The following PPP6R3 variants were observed in gnomAD, a reference collection of about 807,000 sequenced individuals.
The protein encoded by PPP6R3 is serine/threonine-protein phosphatase 6 regulatory subunit 3.
A neutral mutation model predicts 110.7 loss-of-function variants in PPP6R3; 38 were observed. The observed-to-expected ratio is 0.34, with a 90% CI of 0.26 to 0.45. The LOEUF (loss-of-function observed/expected upper bound fraction) is 0.45, where lower values mean the gene tolerates loss of function less well. Ranked by LOEUF, PPP6R3 falls within the 20% of genes least tolerant of loss-of-function variation. The pLI is 1.00. For synonymous variants in PPP6R3, 369 were observed against 373.5 expected, an observed-to-expected ratio of 0.99 and a Z score of 0.14; for missense variants, 870 against 1,062.4, an observed-to-expected ratio of 0.82 and a Z score of 2.52.
rs2099278444 is a variant in PPP6R3 at position 68,537,844 on chromosome 11, C to T, written c.180C>T (p.Phe60=). 6.2e-7 allele frequency: 1 copy of T among 1,613,840 alleles called. No individual in the cohort carries two copies. The highest frequency in any genetic ancestry group is 8.5e-7 in the Non-Finnish European group (1 of 1,179,888). The change falls in exon 3 of 24, where the codon TTC becomes TTT. Residue 60 remains phenylalanine, a synonymous_variant. Transcript: ENST00000393800. ...KAECLEDLVS[F]IIEEPPQDMD... is the part of the protein sequence containing the mutation. ...AATGTCTCGAAGATTTAGTCTCATT[C>T]ATTATAGAAGAACCACCTCAAGACA...
At chr11:68,512,570 A>G (rs1592304351) in intron 1 of PPP6R3, among the ~76,000 whole-genome samples, 1 of 152,228 alleles carries the variant, frequency 6.6e-6, no homozygotes, top group African/African-American at 2.4e-5. Flanking sequence ...AGACGGAACT[A>G]TTACCTTGTT....
At chr11:68,602,935 G>GA (rs1163810354) in intron 21 of PPP6R3, among the ~76,000 whole-genome samples, 1 of 152,180 alleles carries the variant, frequency 6.6e-6, no homozygotes, top group Non-Finnish European at 1.5e-5. Flanking sequence ...AACACCACAA[G>GA]AAAGTAATTT....
Position 68,485,908 on chromosome 11 carries a change from A to G in PPP6R3, c.-158+25081A>G, listed in dbSNP as rs1173907481. 7.9e-5 allele frequency among the ~76,000 whole-genome samples: 12 copies of G among 151,942 alleles called. 1 individual carries two copies. In the South Asian group the frequency reaches 1.5e-3, roughly 18 times the overall value. ...GCCTTGGCTGGGCACAGTGGCTCAC[A>G]CCTGTAATCTCAACACTTTGGGAGG... On this transcript the variant is annotated intron_variant, in intron 1 of 23. Coordinates refer to ENST00000393800, the MANE Select transcript of PPP6R3 (RefSeq NM_001164161.2).
chr11:68,461,064 G>A (rs1237853258), intron 1 of PPP6R3, among the ~76,000 whole-genome samples: 1 of 151,626 alleles, frequency 6.6e-6, no homozygotes, highest in African/African-American at 2.4e-5. Flanking sequence ...GACGGGCGCC[G>A]GGAGCGGGAC....
intron 1 of PPP6R3, among the ~76,000 whole-genome samples, chr11:68,469,631 G>A (rs1242108448): frequency 6.6e-6 from 1 of 151,072 alleles, no homozygotes; most frequent in Non-Finnish European, 1.5e-5. Context: ...CTCCCACCTT[G>A]TTTTCCCAAA....
intron 1 of PPP6R3, among the ~76,000 whole-genome samples, chr11:68,489,254 C>T (rs2098968019): frequency 6.6e-6 from 1 of 152,040 alleles, no homozygotes; most frequent in African/African-American, 2.4e-5. Context: ...CTCCTGACCT[C>T]ATGATCCGCC....
chr11:68,529,345 A>G (rs1002958893), intron 2 of PPP6R3, among the ~76,000 whole-genome samples: 3 of 152,024 alleles, frequency 2.0e-5, no homozygotes, highest in African/African-American at 7.3e-5. Context: ...CAACCTCCCA[A>G]GTAGCTGGGA....
chr11:68,558,443 G>A, intron 7 of PPP6R3, 123 bp from the exon 8 acceptor site: 1 of 599,548 alleles, frequency 1.7e-6, no homozygotes, highest in South Asian at 2.3e-5. Flanking sequence ...AAATAAAATA[G>A]TAAAACAAAT....
At chr11:68,547,127 T>G (rs560411171) in intron 4 of PPP6R3, among the ~76,000 whole-genome samples, 16 of 152,332 alleles carry the variant, frequency 1.1e-4, no homozygotes, top group African/African-American at 3.4e-4. Flanking sequence ...AGATTGTGGC[T>G]TTTGTGGCAT....
chr11:68,575,376 C>G (rs1019188125), intron 13 of PPP6R3, among the ~76,000 whole-genome samples: 1 of 152,178 alleles, frequency 6.6e-6, no homozygotes, highest in Non-Finnish European at 1.5e-5. Context: ...TAGAATTTCA[C>G]TATTACCTGT....
intron 4 of PPP6R3, among the ~76,000 whole-genome samples, chr11:68,545,374 T>C (rs1451316770): frequency 6.6e-6 from 1 of 152,218 alleles, no homozygotes; most frequent in African/African-American, 2.4e-5. Flanking sequence ...AACAATTGCT[T>C]TGTTTTGTTT....
chr11:68,613,315 A>G lies in PPP6R3; in HGVS notation c.*198A>G. The G allele has an allele frequency of 2.2e-6, 3 of 1,336,810 alleles. No individual in the cohort carries two copies. The highest frequency in any genetic ancestry group is 2.9e-6 in the Non-Finnish European group (3 of 1,046,736). The allele number at this position is 1,336,810 out of a possible 1,614,324, so 82.8% of individuals were successfully genotyped here. A position where few individuals can be genotyped will look rare whatever the true frequency, so the allele number is the denominator to read the frequency against. On this transcript the variant is annotated 3_prime_UTR_variant, in exon 24 of 24. Transcript: ENST00000393800. ...GTGTAAAAATATTGCACATTGACAAATACCAAGAATTTTTGCGTATGTTTA... is the reference window on the plus strand; with the variant it reads ...GTGTAAAAATATTGCACATTGACAAGTACCAAGAATTTTTGCGTATGTTTA...
chr11:68,528,568 T>C (rs895049010), intron 2 of PPP6R3, among the ~76,000 whole-genome samples: 3 of 152,224 alleles, frequency 2.0e-5, no homozygotes, highest in African/African-American at 7.2e-5. Flanking sequence ...CCAGCTGCTT[T>C]TACTCCTTTG....
intron 15 of PPP6R3, among the ~76,000 whole-genome samples, chr11:68,584,304 A>C (rs1239677126): frequency 6.6e-6 from 1 of 152,114 alleles, no homozygotes; most frequent in Non-Finnish European, 1.5e-5. Context: ...TCGTGCCTGC[A>C]AGCAGCCCTT....
intron 2 of PPP6R3, among the ~76,000 whole-genome samples, chr11:68,532,392 C>G (rs1199537205): frequency 6.6e-6 from 1 of 152,194 alleles, no homozygotes; most frequent in African/African-American, 2.4e-5. Flanking sequence ...CCCCAGTGAC[C>G]TGCTTTCTTA....
At chr11:68,504,545 C>T (rs1381020191) in intron 1 of PPP6R3, among the ~76,000 whole-genome samples, 1 of 152,220 alleles carries the variant, frequency 6.6e-6, no homozygotes, top group Non-Finnish European at 1.5e-5. Flanking sequence ...GATGAATGCA[C>T]ACTTCAGTTT....
intron 4 of PPP6R3, 47 bp downstream of exon 4, chr11:68,545,071 T>C (rs561107107): frequency 1.4e-6 from 2 of 1,415,602 alleles, no homozygotes; most frequent in South Asian, 1.3e-5. Flanking sequence ...GATCATCCCC[T>C]TGAGGTGATC....
chr11:68,531,836 C>T (rs774659614), intron 2 of PPP6R3, among the ~76,000 whole-genome samples: 28 of 152,218 alleles, frequency 1.8e-4, no homozygotes, highest in Non-Finnish European at 3.2e-4. Context: ...TTCCTGAGGC[C>T]TCAGGGCTAG....
At chr11:68,510,643 C>T (rs748808773) in intron 1 of PPP6R3, among the ~76,000 whole-genome samples, 5 of 152,082 alleles carry the variant, frequency 3.3e-5, no homozygotes, top group Non-Finnish European at 7.4e-5. Flanking sequence ...TTCTTAAAAA[C>T]TTCTAGGTTT....
Sources: gnomAD v4.1 joint callset for allele counts (sites outside exome capture counted in the v4.1 genomes callset) on GRCh38, gnomAD v4.1.1 for gene constraint, MANE v1.5 for transcripts, NCBI Gene and HGNC (gene_info 2026-07-23, HGNC 2026-07-21) for gene names.